TMEM230: variants seen among roughly 807,000 people sequenced by gnomAD.
TMEM230 encodes transmembrane protein 230.
Under a neutral mutation model 15.8 loss-of-function variants are expected in TMEM230, and 10 were observed. The observed-to-expected ratio is 0.63, with a 90% CI of 0.39 to 1.07. The LOEUF is 1.07. Among genes scored for constraint, TMEM230 ranks in the 50% least tolerant of loss-of-function variants. TMEM230 has a pLI of 0.01. For synonymous variants in TMEM230, 67 were observed against 76.9 expected (o/e 0.87, Z 0.68); for missense variants, 165 against 193.3 (o/e 0.85, Z 0.87).
chr20:5,082,018 C>A (rs1285739966), intron 3 of TMEM230, among the ~76,000 whole-genome samples: 1 of 149,238 alleles, frequency 6.7e-6, no homozygotes, highest in Non-Finnish European at 1.5e-5. Context: ...GGATTACAGG[C>A]ACCCACCACC....
At chr20:5,106,447 A>C in intron 3 of TMEM230, 137 bp from the exon 3 acceptor site, 1 of 1,081,710 alleles carries the variant, frequency 9.2e-7, no homozygotes, top group Non-Finnish European at 1.3e-6. Flanking sequence ...CTTGTTGCCC[A>C]GGCTAGAGAG....
intron 3 of TMEM230, among the ~76,000 whole-genome samples, chr20:5,072,107 G>A (rs993593679): frequency 7.2e-5 from 11 of 152,168 alleles, no homozygotes; most frequent in Admixed American, 7.2e-4. Flanking sequence ...CTGGAGTGCA[G>A]TGGCACCATC....
chr20:5,065,656 G>A (rs2088644954), downstream of TMEM230, among the ~76,000 whole-genome samples: 1 of 152,166 alleles, frequency 6.6e-6, no homozygotes, highest in African/African-American at 2.4e-5. Flanking sequence ...GACGCATGTG[G>A]GATGCCTCTG....
intron 3 of TMEM230, among the ~76,000 whole-genome samples, chr20:5,074,978 T>C (rs1219222421): frequency 6.6e-6 from 1 of 151,502 alleles, no homozygotes. Flanking sequence ...TTTAATGTTA[T>C]ATGTTTTTTT....
chr20:5,109,166 G>C (rs76429474), intron 3 of TMEM230, 166 bp downstream of exon 2: 4 of 552,788 alleles, frequency 7.2e-6, no homozygotes, highest in African/African-American at 5.7e-5. Flanking sequence ...ACCCTGCCAC[G>C]GCCCTCTTCT....
downstream of TMEM230, among the ~76,000 whole-genome samples, chr20:5,094,920 C>G (rs2089622584): frequency 6.6e-6 from 1 of 152,010 alleles, no homozygotes; most frequent in South Asian, 2.1e-4. Context: ...TCATGGTCAC[C>G]TCCTATTTCC....
chr20:5,093,936 G>T (rs766090321), intron 3 of TMEM230, among the ~76,000 whole-genome samples: 5 of 151,506 alleles, frequency 3.3e-5, no homozygotes, highest in Admixed American at 3.3e-4. Flanking sequence ...CAACAAATCC[G>T]ATCAGTGAGC....
At chr20:5,082,919 ATTGTT>A in intron 3 of TMEM230, among the ~76,000 whole-genome samples, 1 of 124,686 alleles carries the variant, frequency 8.0e-6, no homozygotes, top group Non-Finnish European at 1.6e-5. Flanking sequence ...AATTCTTCAT[ATTGTT>A]TTTTTTTTTT....
downstream of TMEM230, among the ~76,000 whole-genome samples, chr20:5,099,364 C>T (rs903964188): frequency 5.9e-5 from 9 of 152,136 alleles, no homozygotes; most frequent in African/African-American, 1.9e-4. Flanking sequence ...ACTGTCAAGG[C>T]TCAGGCACTC....
intron 3 of TMEM230, among the ~76,000 whole-genome samples, chr20:5,077,614 A>G (rs557524657): frequency 2.2e-4 from 34 of 152,176 alleles, no homozygotes; most frequent in African/African-American, 7.2e-4. Context: ...TGGGTGGATC[A>G]CTTGAGGTCA....
At chr20:5,073,419 G>A (rs534194309) in intron 3 of TMEM230, among the ~76,000 whole-genome samples, 1 of 152,358 alleles carries the variant, frequency 6.6e-6, no homozygotes, top group East Asian at 1.9e-4. Flanking sequence ...CTCACACTGA[G>A]GGAACTTCAC....
intron 3 of TMEM230, among the ~76,000 whole-genome samples, chr20:5,071,180 A>C (rs79747160): frequency 1.7e-3 from 254 of 152,262 alleles, no homozygotes; most frequent in African/African-American, 5.7e-3. Context: ...TTATTAGCGA[A>C]TGCCTCAGCT....
chr20:5,077,636 C>G (rs1470398832), intron 3 of TMEM230, among the ~76,000 whole-genome samples: 2 of 152,078 alleles, frequency 1.3e-5, no homozygotes, highest in Non-Finnish European at 2.9e-5. Flanking sequence ...GAGTTCAAGA[C>G]CAGCTTGACC....
chr20:5,092,280 G>A (rs2089531613), intron 3 of TMEM230, among the ~76,000 whole-genome samples: 1 of 152,176 alleles, frequency 6.6e-6, no homozygotes, highest in South Asian at 2.1e-4. Flanking sequence ...TCAGAATGAG[G>A]AGTCCTCGAT....
the TMEM230 span, among the ~76,000 whole-genome samples, chr20:5,063,137 A>G: frequency 0.012 from 1,881 of 152,100 alleles, 42 homozygotes; most frequent in African/African-American, 0.043. Flanking sequence ...TCCTGTCTCA[A>G]CGCAGTAACT....
chr20:5,111,454 C>T (rs755376602), intron 2 of TMEM230: 1 of 181,758 alleles, frequency 5.5e-6, no homozygotes, highest in South Asian at 6.4e-5. Flanking sequence ...ACTAGAAATA[C>T]AAAAATTAGC....
Position 5,112,697 on chromosome 20 carries a change from A to G in TMEM230, c.68+264T>C, listed in dbSNP as rs2090375041. 8.5e-6 allele frequency: 12 copies of G among 1,416,892 alleles called. No individual in the cohort carries two copies. The South Asian group carries it at 1.1e-4, about 12-fold the overall frequency. The allele number at this position is 1,416,892 out of a possible 1,614,324, so 87.8% of individuals were successfully genotyped here. On this transcript the variant is annotated intron_variant, in intron 1 of 4. Transcript: ENST00000342308. ...CTAAAAGCATCATAAAACGTTTGGC[A>G]CACAGTGCCTGGCATTACGCGCCTC...
chr20:5,077,248 C>A (rs1600284386), intron 3 of TMEM230, among the ~76,000 whole-genome samples: 1 of 151,954 alleles, frequency 6.6e-6, no homozygotes, highest in Non-Finnish European at 1.5e-5. Flanking sequence ...GTAGAGGCTG[C>A]AGTGAGCTGA....
intron 1 of TMEM230, 34 bp downstream of exon 1, chr20:5,112,927 G>A (rs999822627): frequency 5.2e-6 from 8 of 1,549,350 alleles, no homozygotes; most frequent in Non-Finnish European, 7.0e-6. Flanking sequence ...CGAGAGGACG[G>A]TTCTGTCCCC....
Sources: gnomAD v4.1 joint callset for allele counts (sites outside exome capture counted in the v4.1 genomes callset) on GRCh38, gnomAD v4.1.1 for gene constraint, MANE v1.5 for transcripts, NCBI Gene and HGNC (gene_info 2026-07-23, HGNC 2026-07-21) for gene names.